Variants in DNAH9 observed in about 807,000 individuals in gnomAD.
The protein encoded by DNAH9 is DNAH9 variant protein.
A neutral mutation model predicts 471.6 loss-of-function variants in DNAH9; 345 were observed. The observed-to-expected ratio is 0.73, with a 90% CI of 0.67 to 0.80. DNAH9 has a LOEUF of 0.80. DNAH9 is among the 30% of genes least tolerant of loss of function. The pLI is 0.00. For missense variants in DNAH9, 5,407 were observed against 5,609.2 expected (o/e 0.96, Z 1.15); for synonymous variants, 2,093 against 2,123.6 (o/e 0.99, Z 0.40).
At chr17:11,668,222 G>A (rs2073907681) in intron 15 of DNAH9, among the ~76,000 whole-genome samples, 1 of 152,182 alleles carries the variant, frequency 6.6e-6, no homozygotes, top group South Asian at 2.1e-4. Context: ...AGGATAAGGA[G>A]CAGAATAGGC....
chr17:11,653,965 G>A (rs1480845311), intron 14 of DNAH9, among the ~76,000 whole-genome samples: 1 of 152,014 alleles, frequency 6.6e-6, no homozygotes, highest in Non-Finnish European at 1.5e-5. Context: ...CCTGGGCACT[G>A]TATCGAATAC....
Position 11,953,723 on chromosome 17 carries a change from C to CCT in DNAH9, c.12844-8144_12844-8143insCT, listed in dbSNP as rs1567573705. Reference sequence around the variant, plus strand: ...GCAGTGAGTGGAGATCGCCACTGCACTCCAGCCTGGGCCACAGAGAGAGAC... The same window carrying CCT: ...GCAGTGAGTGGAGATCGCCACTGCACCTTCCAGCCTGGGCCACAGAGAGAGAC... On this transcript the variant is annotated intron_variant, in intron 67 of 68. Coordinates refer to ENST00000262442, the MANE Select transcript of DNAH9 (RefSeq NM_001372.4). 3.5e-5 allele frequency among the ~76,000 whole-genome samples: 5 copies of CCT among 143,624 alleles called. No homozygotes were observed. The Admixed American group carries it at 3.5e-4, about 10-fold the overall frequency. 94.2% of individuals were successfully genotyped at this position (143,624 alleles called of 152,430 possible).
chr17:11,641,456 G>C (rs1597421400), intron 10 of DNAH9, among the ~76,000 whole-genome samples: 1 of 152,096 alleles, frequency 6.6e-6, no homozygotes, highest in East Asian at 1.9e-4. Flanking sequence ...TGCAGCATCT[G>C]CTTGGGTGTG....
At position 11,937,577 on chromosome 17, in the gene DNAH9, A is replaced by G; in HGVS notation, c.12660+55A>G. ...TTCTGGGGGACCCCGAGGATCATAG[A>G]TGCACACCTTTCTCCTGCTGGCCAT... On this transcript the variant is annotated intron_variant, in intron 66 of 68. Transcript: ENST00000262442. The surrounding 1 kb of genome is among the most constrained non-coding windows in gnomAD (Gnocchi z 4.1). The G allele has an allele frequency of 6.5e-7, 1 of 1,541,908 alleles. No individual in the cohort carries two copies. Among genetic ancestry groups the G allele is most frequent in the Non-Finnish European group, 8.8e-7 (1 of 1,140,518 alleles).
chr17:11,705,535 A>T (rs2074684520), intron 26 of DNAH9: 2 of 203,722 alleles, frequency 9.8e-6, no homozygotes. Flanking sequence ...GGTAACTCAC[A>T]ACTTCCATGA....
intron 59 of DNAH9, among the ~76,000 whole-genome samples, chr17:11,901,825 G>A (rs562898516): frequency 8.5e-5 from 13 of 152,268 alleles, no homozygotes; most frequent in Admixed American, 3.9e-4. Flanking sequence ...CTTCAAAGCC[G>A]TCCTAGGCCG....
intron 61 of DNAH9, among the ~76,000 whole-genome samples, chr17:11,915,984 G>A (rs1039011793): frequency 6.6e-6 from 1 of 152,082 alleles, no homozygotes; most frequent in Non-Finnish European, 1.5e-5. Flanking sequence ...GAGAAGTATT[G>A]TTGAATGAAC....
At chr17:11,765,413 A>G (rs894378820) in intron 36 of DNAH9, among the ~76,000 whole-genome samples, 1 of 152,204 alleles carries the variant, frequency 6.6e-6, no homozygotes, top group Non-Finnish European at 1.5e-5. Context: ...GAAATCCAAA[A>G]TGAAAGTGAA....
At chr17:11,629,319 A>T in intron 6 of DNAH9, 98 bp from the exon 7 acceptor site, 1 of 948,226 alleles carries the variant, frequency 1.1e-6, no homozygotes, top group Non-Finnish European at 1.6e-6. Context: ...TCACTGTTCA[A>T]TTCCCACCTA....
At chr17:11,602,598 T>TG (rs2072409363) in intron 1 of DNAH9, among the ~76,000 whole-genome samples, 1 of 152,182 alleles carries the variant, frequency 6.6e-6, no homozygotes, top group South Asian at 2.1e-4. Flanking sequence ...GTGCTACCCT[T>TG]GCGTGTGTAT....
chr17:11,713,126 T>C (rs1336059598), intron 26 of DNAH9, among the ~76,000 whole-genome samples: 1 of 152,132 alleles, frequency 6.6e-6, no homozygotes, highest in Non-Finnish European at 1.5e-5. Context: ...ATCATTTAGC[T>C]CCCACTTATA....
chr17:11,738,811 C>T (rs1413837570), intron 28 of DNAH9, 69 bp from the exon 29 acceptor site: 10 of 1,398,762 alleles, frequency 7.1e-6, no homozygotes, highest in Non-Finnish European at 1.0e-5. Context: ...TACAGGGTTC[C>T]AGCTTTAGTT....
At chr17:11,945,659 G>A (rs1419493569) in intron 67 of DNAH9, among the ~76,000 whole-genome samples, 5 of 152,042 alleles carry the variant, frequency 3.3e-5, no homozygotes, top group Non-Finnish European at 7.4e-5. Flanking sequence ...AGGAAGGAGG[G>A]GGGTGAGGAA....
chr17:11,813,779 C>T (rs535900811), intron 45 of DNAH9, among the ~76,000 whole-genome samples: 2 of 152,318 alleles, frequency 1.3e-5, no homozygotes, highest in South Asian at 2.1e-4. Context: ...TATGAATCTA[C>T]TTCTGACACG....
At chr17:11,700,658 C>T (rs759549882) in intron 23 of DNAH9, among the ~76,000 whole-genome samples, 10 of 152,122 alleles carry the variant, frequency 6.6e-5, no homozygotes, top group Non-Finnish European at 1.5e-4. Context: ...AGAAAATAAT[C>T]GCTTCTCAGT....
At chr17:11,606,044 C>T (rs565219592) in intron 1 of DNAH9, among the ~76,000 whole-genome samples, 71 of 152,258 alleles carry the variant, frequency 4.7e-4, no homozygotes, top group Admixed American at 7.8e-4. Context: ...TCCTCTTTCC[C>T]GGTTAGGACT....
At chr17:11,797,449 A>AAAGGGCTTCTCAAGAG (rs1288873042) in intron 42 of DNAH9, 148 bp from the exon 43 acceptor site, 16 of 610,830 alleles carry the variant, frequency 2.6e-5, no homozygotes, top group Admixed American at 6.3e-5. Flanking sequence ...CATCCACTTA[A>AAAGGGCTTCTCAAGAG]AAGGGCTTCT....
At chr17:11,642,787 T>A (rs1165293042) in intron 10 of DNAH9, among the ~76,000 whole-genome samples, 1 of 152,096 alleles carries the variant, frequency 6.6e-6, no homozygotes, top group African/African-American at 2.4e-5. Flanking sequence ...CTTGTGGAAA[T>A]CACACAGCTT....
In DNAH9 at chr17:11,932,492, G is replaced by A. The variant is rs895138386; in HGVS notation, c.12297+287G>A. Among the ~76,000 whole-genome samples the A allele has an allele frequency of 6.6e-6, 1 of 152,184 alleles. No individual in the cohort carries two copies. Among genetic ancestry groups the A allele is most frequent in the African/African-American group, 2.4e-5 (1 of 41,448 alleles). On this transcript the variant is annotated intron_variant, in intron 64 of 68. Transcript: ENST00000262442. The surrounding 1 kb of genome is among the most constrained non-coding windows in gnomAD (Gnocchi z 4.3). ...CATCATTGGCAGGACCTGGGAGCTA[G>A]TTAGAAATGCAGAATCTCAGGTCCC...
Sources: gnomAD v4.1 joint callset for allele counts (sites outside exome capture counted in the v4.1 genomes callset) on GRCh38, gnomAD v4.1.1 for gene constraint, Gnocchi (gnomAD v3.1) non-coding constraint, MANE v1.5 for transcripts, NCBI Gene and HGNC (gene_info 2026-07-23, HGNC 2026-07-21) for gene names.